Variants in SEC23A observed in about 807,000 individuals in gnomAD.
The protein encoded by SEC23A is SEC23 homolog A, COPII component, also known as protein transport protein Sec23A.
In SEC23A, 56 loss-of-function variants were observed where a neutral mutation model predicts 103.7. The ratio of observed to expected loss-of-function variants is 0.54; its 90% CI spans 0.44 to 0.67. The LOEUF is 0.67. Ranked by LOEUF, SEC23A falls within the 30% of genes least tolerant of loss-of-function variation. The probability of loss-of-function intolerance (pLI) is 0.00; values close to 1 mark genes in which losing one functional copy is unlikely to be tolerated. For missense variants in SEC23A, 784 were observed against 936.4 expected (o/e 0.84, Z 2.12); for synonymous variants, 281 against 293.0 (o/e 0.96, Z 0.42).
At chr14:39,055,056 A>G (rs1006100643) in intron 14 of SEC23A, 87 bp downstream of exon 14, 22 of 1,481,440 alleles carry the variant, frequency 1.5e-5, no homozygotes, top group Non-Finnish European at 1.8e-5. Flanking sequence ...ATACACTGTT[A>G]AGTACTTTGA....
chr14:39,058,465 GC>G (rs1352341866), intron 13 of SEC23A, among the ~76,000 whole-genome samples: 1 of 152,016 alleles, frequency 6.6e-6, no homozygotes, highest in Non-Finnish European at 1.5e-5. Flanking sequence ...CCGCCACCAC[GC>G]CCGGCTAATT....
intron 1 of SEC23A, among the ~76,000 whole-genome samples, chr14:39,101,181 C>A (rs1888078829): frequency 6.6e-6 from 1 of 151,982 alleles, no homozygotes; most frequent in Admixed American, 6.6e-5. Context: ...ATACAAAACA[C>A]AAAAGACTAT....
At chr14:39,034,707 A>G (rs1180754313) in intron 19 of SEC23A, among the ~76,000 whole-genome samples, 1 of 152,180 alleles carries the variant, frequency 6.6e-6, no homozygotes, top group Non-Finnish European at 1.5e-5. Context: ...GATAAATACC[A>G]ATGCTCATTC....
At chr14:39,092,880 T>C (rs925195777) in intron 3 of SEC23A, 8 of 506,152 alleles carry the variant, frequency 1.6e-5, no homozygotes, top group Non-Finnish European at 2.8e-5. Context: ...TTGTTTGTTT[T>C]TGAGACGGAG....
chr14:39,089,637 C>T (rs1313192394), intron 5 of SEC23A, among the ~76,000 whole-genome samples: 2 of 152,160 alleles, frequency 1.3e-5, no homozygotes, highest in Non-Finnish European at 2.9e-5. Context: ...TCTCCTCCTT[C>T]ATTACCTTCA....
Position 39,085,687 on chromosome 14 carries a change from T to TAC in SEC23A, c.828+74_828+75insGT, listed in dbSNP as rs1276785608. ...GGTTCTTCTTATCCTTATAATTATA[T>TAC]ATACACACACACACACACACACACA... On this transcript the variant is annotated intron_variant, in intron 7 of 19. Coordinates refer to ENST00000307712, the MANE Select transcript of SEC23A (RefSeq NM_006364.4). 1,106 of 1,178,382 alleles carry TAC rather than the reference T, an allele frequency of 9.4e-4. 4 individuals carry two copies. The highest frequency in any genetic ancestry group is 8.0e-3 in the African/African-American group (412 of 51,682). 73.0% of individuals were successfully genotyped at this position (1,178,382 alleles called of 1,614,324 possible).
Position 39,101,427 on chromosome 14 carries a change from G to A in SEC23A, c.-22+1605C>T, listed in dbSNP as rs546810940. 6.2e-3 allele frequency among the ~76,000 whole-genome samples: 941 copies of A among 151,914 alleles called. 10 individuals are homozygous for A. Among genetic ancestry groups the A allele is most frequent in the Non-Finnish European group, 5.6e-3 (380 of 67,960 alleles). ...GAGGTCAGGAGATCGAGACCAGCCT[G>A]GCCAATATGGTTAAACCCCGTCTCT... is the stretch of plus-strand genomic sequence containing the variant. On this transcript the variant is annotated intron_variant, in intron 1 of 19. Transcript: ENST00000307712.
chr14:39,071,294 T>A (rs1886832799), intron 9 of SEC23A, among the ~76,000 whole-genome samples: 1 of 152,116 alleles, frequency 6.6e-6, no homozygotes, highest in African/African-American at 2.4e-5. Flanking sequence ...GGGGGTAAAA[T>A]CAACATATAA....
intron 16 of SEC23A, among the ~76,000 whole-genome samples, chr14:39,043,991 C>G (rs1885744832): frequency 6.6e-6 from 1 of 151,950 alleles, no homozygotes; most frequent in Non-Finnish European, 1.5e-5. Context: ...AATGGGGTGG[C>G]AGTTAGAGAA....
chr14:39,080,157 C>T (rs1436330485), intron 7 of SEC23A, among the ~76,000 whole-genome samples: 1 of 152,034 alleles, frequency 6.6e-6, no homozygotes, highest in Non-Finnish European at 1.5e-5. Context: ...ACTAAATCCC[C>T]GTGAACTGTA....
intron 7 of SEC23A, among the ~76,000 whole-genome samples, chr14:39,077,148 G>A (rs1242647487): frequency 3.0e-5 from 4 of 134,976 alleles, no homozygotes; most frequent in Middle Eastern, 4.9e-3. Context: ...GAATTGCTTC[G>A]ACCCAGGAGG....
At chr14:39,039,369 A>T in intron 18 of SEC23A, 1 of 359,460 alleles carries the variant, frequency 2.8e-6, no homozygotes. Flanking sequence ...TATGTGTGCA[A>T]CAATTATGAC....
At chr14:39,042,718 G>C in intron 17 of SEC23A, 68 bp downstream of exon 17, 1 of 944,846 alleles carries the variant, frequency 1.1e-6, no homozygotes, top group Non-Finnish European at 1.7e-6. Flanking sequence ...CATACAATTA[G>C]AAGTAAGAAA....
intron 7 of SEC23A, among the ~76,000 whole-genome samples, chr14:39,078,816 GA>G (rs1264481796): frequency 1.3e-5 from 2 of 151,306 alleles, no homozygotes; most frequent in African/African-American, 4.9e-5. Flanking sequence ...AAGATATGAG[GA>G]AAAAAATAAA....
At chr14:39,084,139 A>C (rs866194646) in intron 7 of SEC23A, among the ~76,000 whole-genome samples, 2 of 151,338 alleles carry the variant, frequency 1.3e-5, no homozygotes, top group South Asian at 2.1e-4. Flanking sequence ...CTCCTGCCTC[A>C]GCCTCCCGAG....
intron 9 of SEC23A, among the ~76,000 whole-genome samples, chr14:39,070,795 G>A (rs993480028): frequency 1.3e-5 from 2 of 152,188 alleles, no homozygotes; most frequent in African/African-American, 2.4e-5. Flanking sequence ...GGGAGGCCAT[G>A]GCAGGTGGAT....
intron 12 of SEC23A, among the ~76,000 whole-genome samples, chr14:39,062,176 C>T (rs953170964): frequency 6.6e-6 from 1 of 152,156 alleles, no homozygotes; most frequent in Non-Finnish European, 1.5e-5. Flanking sequence ...AATTAAAAGA[C>T]AATTCCTAAG....
At chr14:39,038,960 T>C (rs1414665186) in intron 19 of SEC23A, 71 bp downstream of exon 19, 7 of 1,301,152 alleles carry the variant, frequency 5.4e-6, no homozygotes, top group Non-Finnish European at 7.8e-6. Context: ...GAAAAAAATG[T>C]AGCTTTCACT....
At position 39,033,085 on chromosome 14, in the gene SEC23A, C is replaced by G; in HGVS notation, c.*154G>C. Reference sequence around the variant, plus strand: ...CTCATTATAATTCCAGCTTAATCTACAAATGTGAACATTTTCCATATGTTG... The same window carrying G: ...CTCATTATAATTCCAGCTTAATCTAGAAATGTGAACATTTTCCATATGTTG... On this transcript the variant is annotated 3_prime_UTR_variant, in exon 20 of 20. Coordinates refer to ENST00000307712, the MANE Select transcript of SEC23A (RefSeq NM_006364.4). 3 of 645,940 alleles carry G rather than the reference C, an allele frequency of 4.6e-6. No individual in the cohort carries two copies. The highest frequency in any genetic ancestry group is 8.4e-6 in the Non-Finnish European group (3 of 356,640). The allele number at this position is 645,940 out of a possible 1,614,324, so 40.0% of individuals were successfully genotyped here.
Sources: allele counts gnomAD v4.1 joint callset (sites outside exome capture counted in the v4.1 genomes callset), GRCh38; gene constraint gnomAD v4.1.1; transcripts MANE v1.5; gene names NCBI Gene and HGNC (gene_info 2026-07-23, HGNC 2026-07-21).